The following ARRB1 variants were observed in gnomAD, a reference collection of about 807,000 sequenced individuals.
ARRB1 encodes beta-arrestin-1.
In ARRB1, 21 loss-of-function variants were observed where a neutral mutation model predicts 56.8. The observed-to-expected ratio is 0.37, with a 90% confidence interval of 0.26 to 0.53. The LOEUF (loss-of-function observed/expected upper bound fraction) is 0.53. Ranked by LOEUF, ARRB1 falls within the 20% of genes least tolerant of loss-of-function variation. The probability of loss-of-function intolerance (pLI) is 0.88; values close to 1 mark genes in which losing one functional copy is unlikely to be tolerated. For synonymous variants in ARRB1, 210 were observed against 218.6 expected (o/e 0.96, Z 0.35); for missense variants, 424 against 553.7 (o/e 0.77, Z 2.35).
intron 13 of ARRB1, 30 bp downstream of exon 13, chr11:75,271,671 G>A (rs766142423): frequency 6.4e-7 from 1 of 1,556,618 alleles, no homozygotes; most frequent in Admixed American, 1.9e-5. Flanking sequence ...CCAGGAAGGT[G>A]GGTGAACCAG....
Position 75,262,453 on chromosome 11 carries a change from G to C in ARRB1, c.*3710C>G, listed in dbSNP as rs1945816161. The C allele has an allele frequency of 6.6e-6, 1 of 152,236 alleles. No individual in the cohort carries two copies. Among genetic ancestry groups the C allele is most frequent in the African/African-American group, 2.4e-5 (1 of 41,454 alleles). The allele number at this position is 152,236 out of a possible 1,614,324, so 9.4% of individuals were successfully genotyped here. On this transcript the variant is annotated 3_prime_UTR_variant, in exon 16 of 16. Transcript: ENST00000420843. Reference sequence around the variant, plus strand: ...CTGGGTCATCAAAGCCAAATTGGCTGTATCTCATTCTGGTTGACATCTGCC... The same window carrying C: ...CTGGGTCATCAAAGCCAAATTGGCTCTATCTCATTCTGGTTGACATCTGCC...
rs759457332 is a variant in ARRB1, at chr11:75,267,668, T to A, written c.1129A>T (p.Ile377Leu). The change falls in exon 15 of 16, where the codon ATA becomes TTA. Residue 377 changes from isoleucine (I) to leucine (L), a missense_variant. Ile to Leu is a conservative substitution (Grantham distance 5). This residue lies in a region of ARRB1 where 121 missense variants were observed against 147.3 expected (regional missense o/e 0.82). Transcript: ENST00000420843. The part of the protein sequence containing the change: ...ENETPVDTNL[I>L]ELDTNDDDIV... ...TCAGCTTACTTTGTGTCAAGTTCTA[T>A]GAGATTGGTATCTACTGGCGTCTCG... 3.2e-6 allele frequency: 5 copies of A among 1,546,394 alleles called. No individual in the cohort carries two copies. Among genetic ancestry groups the A allele is most frequent in the Non-Finnish European group, 4.4e-6 (5 of 1,137,350 alleles).
At chr11:75,317,681 G>A (rs921809077) in intron 1 of ARRB1, among the ~76,000 whole-genome samples, 7 of 151,996 alleles carry the variant, frequency 4.6e-5, no homozygotes, top group East Asian at 1.9e-4. Context: ...GGTGTGCACC[G>A]CACTGGCACC....
chr11:75,297,822 G>GTA (rs1946791830), intron 1 of ARRB1, among the ~76,000 whole-genome samples: 1 of 114,324 alleles, frequency 8.7e-6, no homozygotes. Context: ...CTGAGATCAT[G>GTA]CCACTGCACT....
chr11:75,270,260 C>T (rs1286631533), intron 13 of ARRB1, among the ~76,000 whole-genome samples: 1 of 152,208 alleles, frequency 6.6e-6, no homozygotes, highest in Non-Finnish European at 1.5e-5. Flanking sequence ...GCGGGCAGAT[C>T]CCTTGAGCTC....
chr11:75,283,141 A>G (rs748272208), intron 5 of ARRB1, 146 bp downstream of exon 5: 35 of 815,374 alleles, frequency 4.3e-5, no homozygotes, highest in Non-Finnish European at 5.8e-5. Flanking sequence ...CAGGTAACAC[A>G]GGTGACAGTG....
intron 1 of ARRB1, 152 bp from the exon 2 acceptor site, chr11:75,290,191 C>T (rs878862623): frequency 1.2e-5 from 10 of 865,128 alleles, no homozygotes; most frequent in African/African-American, 3.4e-5. Flanking sequence ...CCATGTAATC[C>T]GCTCTTACCA....
intron 1 of ARRB1, among the ~76,000 whole-genome samples, chr11:75,333,501 A>G (rs746909265): frequency 1.6e-4 from 25 of 152,224 alleles, no homozygotes; most frequent in Admixed American, 7.9e-4. Context: ...GGGCACAGAC[A>G]AACGGGGAAG....
intron 1 of ARRB1, among the ~76,000 whole-genome samples, chr11:75,346,166 C>T (rs1454267742): frequency 6.6e-6 from 1 of 152,136 alleles, no homozygotes; most frequent in African/African-American, 2.4e-5. Flanking sequence ...CTGTCTAGAA[C>T]ACCTTACTCC....
chr11:75,306,414 G>C (rs564003169), intron 1 of ARRB1: 2 of 469,142 alleles, frequency 4.3e-6, no homozygotes, highest in Non-Finnish European at 4.1e-6. Context: ...TCCTCCCTGT[G>C]TTCTCCATCC....
chr11:75,327,667 C>A (rs1034026928), intron 1 of ARRB1, among the ~76,000 whole-genome samples: 7 of 151,110 alleles, frequency 4.6e-5, no homozygotes, highest in East Asian at 2.0e-4. Flanking sequence ...CGGCTTACTG[C>A]AACCTCTGCC....
At position 75,272,933 on chromosome 11, in the gene ARRB1, G is replaced by A. The variant is rs1253575917; in HGVS notation, c.960C>T (p.Ser320=). Residue 320 remains serine, a synonymous_variant, in exon 12 of 16, where the codon TCC becomes TCT. Coordinates refer to ENST00000420843, the MANE Select transcript of ARRB1 (RefSeq NM_004041.5). ...CCACCAGCTTCACTTTCACTTTGTA[G>A]GAAACAATGATCCCCAGGATCTCAC... The part of the protein sequence containing the change: ...ANREILGIIV[S]YKVKVKLVVS... 1.2e-6 allele frequency: 2 copies of A among 1,614,068 alleles called. No homozygotes were observed. Among genetic ancestry groups the A allele is most frequent in the African/African-American group, 2.7e-5 (2 of 75,034 alleles).
chr11:75,269,306 C>A (rs372742876), intron 13 of ARRB1: 4 of 441,938 alleles, frequency 9.1e-6, no homozygotes, highest in Middle Eastern at 6.8e-4. Flanking sequence ...GGACCCCCCC[C>A]CACCTCAAAT....
At chr11:75,296,589 C>A (rs1377250486) in intron 1 of ARRB1, among the ~76,000 whole-genome samples, 1 of 152,170 alleles carries the variant, frequency 6.6e-6, no homozygotes, top group Non-Finnish European at 1.5e-5. Flanking sequence ...GAGGGCTACA[C>A]AACAAGGAAC....
In ARRB1 at chr11:75,261,607, T is replaced by G. The variant is rs1243853607; in HGVS notation, c.*4556A>C. On this transcript the variant is annotated 3_prime_UTR_variant, in exon 16 of 16. Coordinates refer to ENST00000420843, the MANE Select transcript of ARRB1 (RefSeq NM_004041.5). ...CCATAGGCCCCACGGACCTGTGCTTTGACTTCCCTTTTGGGGTGACGAGTT... is the reference window on the plus strand; with the variant it reads ...CCATAGGCCCCACGGACCTGTGCTTGGACTTCCCTTTTGGGGTGACGAGTT... 6.6e-6 allele frequency: 1 copy of G among 152,228 alleles called. No homozygotes were observed. The highest frequency in any genetic ancestry group is 2.4e-5 in the African/African-American group (1 of 41,446). 9.4% of individuals were successfully genotyped at this position (152,228 alleles called of 1,614,324 possible). A position where few individuals can be genotyped will look rare whatever the true frequency, so the allele number is the denominator to read the frequency against.
chr11:75,319,235 A>G (rs1220984270), intron 1 of ARRB1, among the ~76,000 whole-genome samples: 1 of 152,114 alleles, frequency 6.6e-6, no homozygotes, highest in Non-Finnish European at 1.5e-5. Flanking sequence ...GGATTAGCAC[A>G]GCCTCAAGCC....
rs1946349148 is a variant in ARRB1 at position 75,281,776 on chromosome 11, C to T, written c.414+186G>A. 5 of 627,150 alleles carry T rather than the reference C, an allele frequency of 8.0e-6. No individual in the cohort carries two copies. The South Asian group carries it at 9.8e-5, about 12-fold the overall frequency. 38.8% of individuals were successfully genotyped at this position (627,150 alleles called of 1,614,324 possible). A position where few individuals can be genotyped will look rare whatever the true frequency, so the allele number is the denominator to read the frequency against. On this transcript the variant is annotated intron_variant, in intron 6 of 15. Transcript: ENST00000420843. ...CACTGAATGGGAGAGTGAGGCTGAC[C>T]CCGTACCTGCTGCCCTGTCTGAAGA... is the stretch of plus-strand genomic sequence containing the variant.
At chr11:75,291,484 G>A (rs773683777) in intron 1 of ARRB1, among the ~76,000 whole-genome samples, 1 of 152,170 alleles carries the variant, frequency 6.6e-6, no homozygotes, top group Non-Finnish European at 1.5e-5. Context: ...AATAAGCCAT[G>A]GTCACCCAGC....
intron 1 of ARRB1, among the ~76,000 whole-genome samples, chr11:75,331,080 C>T (rs1489739274): frequency 2.0e-5 from 3 of 152,340 alleles, no homozygotes; most frequent in East Asian, 3.9e-4. Flanking sequence ...GGCGCGATCT[C>T]GGCTTACCGC....
Sources: gnomAD v4.1 joint callset for allele counts (sites outside exome capture counted in the v4.1 genomes callset) on GRCh38, gnomAD v4.1.1 for gene constraint, gnomAD v4.1.1 regional missense constraint, MANE v1.5 for transcripts, NCBI Gene and HGNC (gene_info 2026-07-23, HGNC 2026-07-21) for gene names.